Variants in VTA1 observed in about 807,000 individuals in gnomAD.
The protein encoded by VTA1 is vacuolar protein sorting-associated protein VTA1 homolog.
VTA1 carries 24 observed loss-of-function variants against 36.9 expected under a neutral mutation model. The ratio of observed to expected loss-of-function variants is 0.65; its 90% CI spans 0.47 to 0.91. The LOEUF (loss-of-function observed/expected upper bound fraction) is 0.91. VTA1 is among the 40% of genes least tolerant of loss of function. The pLI is 0.00. For synonymous variants in VTA1, 142 were observed against 130.2 expected, an observed-to-expected ratio of 1.09 and a Z score of -0.62; for missense variants, 393 against 377.2, an observed-to-expected ratio of 1.04 and a Z score of -0.35.
chr6:142,162,475 A>C (rs764324784), intron 1 of VTA1, among the ~76,000 whole-genome samples: 2 of 152,166 alleles, frequency 1.3e-5, no homozygotes, highest in Non-Finnish European at 2.9e-5. Context: ...GTACATTTAG[A>C]TCATGAATAA....
intron 7 of VTA1, among the ~76,000 whole-genome samples, chr6:142,209,733 T>C (rs943241329): frequency 6.6e-6 from 1 of 151,582 alleles, no homozygotes; most frequent in Non-Finnish European, 1.5e-5. Flanking sequence ...CTATAAAAAA[T>C]TCTGATAAAT....
intron 1 of VTA1, 93 bp downstream of exon 1, chr6:142,147,492 C>A: frequency 7.6e-7 from 1 of 1,324,342 alleles, no homozygotes; most frequent in Non-Finnish European, 1.1e-6. Flanking sequence ...GCCCCGCCCC[C>A]CTCGCTTTAA....
chr6:142,207,268 C>A (rs1176464664), intron 7 of VTA1, among the ~76,000 whole-genome samples: 1 of 152,146 alleles, frequency 6.6e-6, no homozygotes, highest in East Asian at 1.9e-4. Context: ...AGTGGTCAAC[C>A]ATCTTCCCCA....
At chr6:142,149,186 G>A (rs1023747789) in intron 1 of VTA1, among the ~76,000 whole-genome samples, 1 of 152,068 alleles carries the variant, frequency 6.6e-6, no homozygotes, top group Non-Finnish European at 1.5e-5. Context: ...TTAGCTTTAC[G>A]CCTTTATCTT....
At position 142,170,354 on chromosome 6, in the gene VTA1, T is replaced by G; in HGVS notation, c.344T>G (p.Ile115Ser). 1 of 1,606,322 alleles carries G rather than the reference T, an allele frequency of 6.2e-7. No homozygotes were observed. Among genetic ancestry groups the G allele is most frequent in the Non-Finnish European group, 8.5e-7 (1 of 1,175,948 alleles). The change falls in exon 4 of 8, where the codon ATC becomes AGC. Residue 115 changes from isoleucine to serine, a missense_variant. Ile to Ser is a moderately radical substitution (Grantham distance 142). Transcript: ENST00000367630. ...TCTCTTTTCTCTTCCAGAAACATGA[T>G]CAAGTCCTTCTATACTGCAAGTCTT... is the stretch of plus-strand genomic sequence containing the variant. ...DRAGRFHKNMIKSFYTASLLI... is the reference protein window; with the variant it reads ...DRAGRFHKNMSKSFYTASLLI...
chr6:142,198,683 C>T, intron 6 of VTA1, 68 bp downstream of exon 6: 1 of 1,398,862 alleles, frequency 7.1e-7, no homozygotes, highest in Admixed American at 2.3e-5. Context: ...TTTCTTATCA[C>T]ATATGTGCCT....
chr6:142,217,466 T>C (rs2114691900), intron 7 of VTA1, among the ~76,000 whole-genome samples: 1 of 152,090 alleles, frequency 6.6e-6, no homozygotes, highest in East Asian at 1.9e-4. Flanking sequence ...GATCAGAATA[T>C]TGTATCCACT....
chr6:142,169,926 A>G (rs1774996826), intron 3 of VTA1, among the ~76,000 whole-genome samples: 1 of 152,124 alleles, frequency 6.6e-6, no homozygotes, highest in Admixed American at 6.5e-5. Flanking sequence ...GCTATTTTTT[A>G]ACATTTAGTA....
At chr6:142,208,085 CAA>C (rs567010868) in intron 7 of VTA1, among the ~76,000 whole-genome samples, 2,038 of 99,420 alleles carry the variant, frequency 0.02, 38 homozygotes, top group African/African-American at 0.065. Context: ...AGACTTCCAT[CAA>C]AAAAAAAAAA....
At chr6:142,178,278 T>C in intron 4 of VTA1, among the ~76,000 whole-genome samples, 1 of 151,840 alleles carries the variant, frequency 6.6e-6, no homozygotes, top group Non-Finnish European at 1.5e-5. Context: ...GATAATAAAA[T>C]GACATATTTA....
At chr6:142,179,254 T>G (rs1039954627) in intron 4 of VTA1, among the ~76,000 whole-genome samples, 4 of 152,070 alleles carry the variant, frequency 2.6e-5, no homozygotes, top group Admixed American at 2.0e-4. Context: ...AACCAAGCGC[T>G]TTCATACATT....
At chr6:142,198,805 G>T in intron 6 of VTA1, 190 bp downstream of exon 6, 1 of 496,412 alleles carries the variant, frequency 2.0e-6, no homozygotes, top group South Asian at 4.0e-5. Context: ...CTAATTATTT[G>T]AGAAATGACA....
chr6:142,149,881 TTC>T (rs1350891024), intron 1 of VTA1, among the ~76,000 whole-genome samples: 1 of 152,140 alleles, frequency 6.6e-6, no homozygotes, highest in Non-Finnish European at 1.5e-5. Context: ...TATATTTCTA[TTC>T]TCTCATAAAA....
chr6:142,162,872 T>G (rs560872690), intron 1 of VTA1, among the ~76,000 whole-genome samples: 3 of 152,074 alleles, frequency 2.0e-5, no homozygotes, highest in Non-Finnish European at 4.4e-5. Context: ...TGTGCATAGT[T>G]GAATGTTGGA....
chr6:142,218,408 G>GT, intron 7 of VTA1, 90 bp from the exon 8 acceptor site: 4 of 1,352,846 alleles, frequency 3.0e-6, no homozygotes, highest in Non-Finnish European at 4.1e-6. Flanking sequence ...CCTTAAATAT[G>GT]TTTTTTAATC....
chr6:142,183,702 G>A (rs746841133), intron 4 of VTA1, among the ~76,000 whole-genome samples: 2 of 152,052 alleles, frequency 1.3e-5, no homozygotes, highest in East Asian at 3.8e-4. Context: ...ATATTGTTTA[G>A]TATCCAGCAT....
At chr6:142,161,181 CAG>C (rs1422002547) in intron 1 of VTA1, among the ~76,000 whole-genome samples, 1 of 147,718 alleles carries the variant, frequency 6.8e-6, no homozygotes, top group Admixed American at 7.0e-5. Flanking sequence ...ATCTTTGACA[CAG>C]AAATCCCTTC....
intron 4 of VTA1, among the ~76,000 whole-genome samples, chr6:142,181,116 T>TATATATATATATATATACAC (rs753996612): frequency 1.1e-5 from 1 of 87,078 alleles, no homozygotes; most frequent in Admixed American, 1.5e-4. Flanking sequence ...TATATATATA[T>TATATATATATATATATACAC]ACACACACAC....
intron 1 of VTA1, among the ~76,000 whole-genome samples, chr6:142,148,134 TCTTAA>T (rs755928776): frequency 4.0e-4 from 61 of 152,348 alleles, no homozygotes; most frequent in Admixed American, 9.8e-4. Context: ...TATTCTGTAC[TCTTAA>T]CTTTACTGCA....
Sources: allele counts gnomAD v4.1 joint callset (sites outside exome capture counted in the v4.1 genomes callset), GRCh38; gene constraint gnomAD v4.1.1; transcripts MANE v1.5; gene names NCBI Gene and HGNC (gene_info 2026-07-23, HGNC 2026-07-21).